The following GPR137B variants were observed in gnomAD, a reference collection of about 807,000 sequenced individuals.
The protein encoded by GPR137B is G protein-coupled receptor 137B.
GPR137B carries 42 observed loss-of-function variants against 42.5 expected under a neutral mutation model. The ratio of observed to expected loss-of-function variants is 0.99; its 90% CI spans 0.77 to 1.28. GPR137B has a LOEUF of 1.28. GPR137B is among the 50% of genes most tolerant of loss of function. The pLI, the probability that GPR137B is intolerant of heterozygous loss-of-function variation, is 0.00. For synonymous variants in GPR137B, 218 were observed against 209.7 expected, an observed-to-expected ratio of 1.04 and a Z score of -0.34; for missense variants, 487 against 493.9, an observed-to-expected ratio of 0.99 and a Z score of 0.13.
chr1:236,193,462 CAG>C (rs1481548643), intron 5 of GPR137B, among the ~76,000 whole-genome samples: 1 of 152,132 alleles, frequency 6.6e-6, no homozygotes, highest in African/African-American at 2.4e-5. Flanking sequence ...CTATTTTCCA[CAG>C]AGACAGCACC....
chr1:236,208,422 A>ATAAC lies in GPR137B; in HGVS notation c.*266_*269dup, dbSNP rs1663729662. 1.0e-6 allele frequency: 1 copy of ATAAC among 991,832 alleles called. No homozygotes were observed. The highest frequency in any genetic ancestry group is 4.0e-5 in the Admixed American group (1 of 24,944). The allele number at this position is 991,832 out of a possible 1,614,324, so 61.4% of individuals were successfully genotyped here. ...GTACTTTTATAAAGATGTATTTTGTATAACTTAAATAATAATGCTAAAGTA... is the reference window on the plus strand; with the variant it reads ...GTACTTTTATAAAGATGTATTTTGTATAACTAACTTAAATAATAATGCTAAAGTA... On this transcript the variant is annotated 3_prime_UTR_variant, in exon 7 of 7. Coordinates refer to ENST00000366592, the MANE Select transcript of GPR137B (RefSeq NM_003272.4).
At chr1:236,178,873 C>CTGCA (rs1486125295) in intron 3 of GPR137B, among the ~76,000 whole-genome samples, 1 of 130,142 alleles carries the variant, frequency 7.7e-6, no homozygotes, top group Non-Finnish European at 1.6e-5. Flanking sequence ...TCTCGGCTCA[C>CTGCA]TGCAAGCTCC....
intron 1 of GPR137B, among the ~76,000 whole-genome samples, chr1:236,153,389 C>T (rs560384535): frequency 3.9e-5 from 6 of 152,308 alleles, no homozygotes; most frequent in Admixed American, 6.5e-5. Flanking sequence ...TATTCTTGTA[C>T]GTCTTCTCCT....
intron 2 of GPR137B, among the ~76,000 whole-genome samples, chr1:236,169,349 A>G (rs1027832585): frequency 6.6e-6 from 1 of 152,120 alleles, no homozygotes; most frequent in African/African-American, 2.4e-5. Flanking sequence ...GTTTTCCAGA[A>G]CTTCAGTGCC....
chr1:236,161,838 G>A (rs1662211449), intron 1 of GPR137B, among the ~76,000 whole-genome samples: 1 of 152,110 alleles, frequency 6.6e-6, no homozygotes, highest in Admixed American at 6.5e-5. Flanking sequence ...ATGTGGAATT[G>A]TTAAGTCCAA....
intron 1 of GPR137B, among the ~76,000 whole-genome samples, chr1:236,167,838 C>T (rs892860182): frequency 2.0e-5 from 3 of 152,178 alleles, no homozygotes; most frequent in Non-Finnish European, 4.4e-5. Context: ...TGGAAGCATG[C>T]GTGGACACCT....
chr1:236,166,750 C>A (rs1235895691), intron 1 of GPR137B, among the ~76,000 whole-genome samples: 1 of 151,906 alleles, frequency 6.6e-6, no homozygotes, highest in East Asian at 1.9e-4. Context: ...TTTGGGAGGC[C>A]GAGGTGGGTG....
Position 236,200,626 on chromosome 1 carries a change from T to G in GPR137B, c.967-4500T>G, listed in dbSNP as rs187434058. ...TCTCTTTGTCTTAACTGTTGATGCT[T>G]TAAAGTCTATTTTGTCTGATAAAAG... On this transcript the variant is annotated intron_variant, in intron 5 of 6. Transcript: ENST00000366592. Among the ~76,000 whole-genome samples the G allele has an allele frequency of 1.6e-3, 250 of 152,204 alleles. 1 individual carries two copies. Among genetic ancestry groups the G allele is most frequent in the Non-Finnish European group, 2.6e-3 (174 of 68,010 alleles).
At chr1:236,153,955 T>G (rs1396646285) in intron 1 of GPR137B, among the ~76,000 whole-genome samples, 1 of 152,228 alleles carries the variant, frequency 6.6e-6, no homozygotes, top group Admixed American at 6.5e-5. Flanking sequence ...AGGGAACTTC[T>G]TGGTGGAAGT....
intron 2 of GPR137B, among the ~76,000 whole-genome samples, chr1:236,176,271 A>C (rs10924516): frequency 0.079 from 12,089 of 152,154 alleles, 946 homozygotes; most frequent in African/African-American, 0.2. Context: ...GTGTATCATG[A>C]CACATGAGGT....
chr1:236,178,538 A>AT lies in GPR137B; in HGVS notation c.591dup (p.Asn198Ter). ...GGTTATCGTCTCTGTGCGAGTGGCC[A>AT]TTAATGACACGCTCTTCGTGCTGTG... On this transcript the variant is annotated frameshift_variant, in exon 3 of 7. Coordinates refer to ENST00000366592, the MANE Select transcript of GPR137B (RefSeq NM_003272.4). LOFTEE classifies it high-confidence loss of function. 1 of 1,613,464 alleles carries AT rather than the reference A, an allele frequency of 6.2e-7. No individual in the cohort carries two copies. The highest frequency in any genetic ancestry group is 8.5e-7 in the Non-Finnish European group (1 of 1,179,704).
At chr1:236,168,282 C>A (rs1000210833) in intron 1 of GPR137B, among the ~76,000 whole-genome samples, 1 of 152,006 alleles carries the variant, frequency 6.6e-6, no homozygotes, top group African/African-American at 2.4e-5. Flanking sequence ...CAAAAATTAA[C>A]TGGGTGTGGT....
Position 236,185,465 on chromosome 1 carries a change from C to G in GPR137B, c.966+1559C>G, listed in dbSNP as rs371973635. ...TCTTAGGTCATGTTGGAGACCCAGACCAGAATCTCTGGGGTAGGTTCCGGG... is the reference window on the plus strand; with the variant it reads ...TCTTAGGTCATGTTGGAGACCCAGAGCAGAATCTCTGGGGTAGGTTCCGGG... On this transcript the variant is annotated intron_variant, in intron 5 of 6. Transcript: ENST00000366592. 3.9e-5 allele frequency among the ~76,000 whole-genome samples: 6 copies of G among 152,302 alleles called. No individual in the cohort carries two copies. In the East Asian group the frequency reaches 9.6e-4, roughly 24 times the overall value.
At chr1:236,175,234 T>C (rs907602451) in intron 2 of GPR137B, among the ~76,000 whole-genome samples, 1 of 152,154 alleles carries the variant, frequency 6.6e-6, no homozygotes, top group African/African-American at 2.4e-5. Context: ...AATTTTCTAC[T>C]TATTAAGTGG....
rs1441209279 is a variant in GPR137B, at chr1:236,155,741, A to G, written c.414+12705A>G. Among the ~76,000 whole-genome samples the G allele has an allele frequency of 6.6e-6, 1 of 152,052 alleles. No homozygotes were observed. Among genetic ancestry groups the G allele is most frequent in the Non-Finnish European group, 1.5e-5 (1 of 67,984 alleles). On this transcript the variant is annotated intron_variant, in intron 1 of 6. Transcript: ENST00000366592. This position sits in a 1 kb window ranked among gnomAD's most constrained non-coding sequence, Gnocchi z 4.6. ...GAGGGGAGAGGTGCTTGCTGCCCGG[A>G]GAGCTGAGCTGCTGGGAACAGGAAG...
intron 5 of GPR137B, among the ~76,000 whole-genome samples, chr1:236,194,170 G>C (rs1475104356): frequency 1.3e-5 from 2 of 152,116 alleles, no homozygotes; most frequent in South Asian, 2.1e-4. Flanking sequence ...GATACTCTAT[G>C]GTGTGTATTT....
At chr1:236,169,709 A>G (rs1157420445) in intron 2 of GPR137B, among the ~76,000 whole-genome samples, 2 of 152,086 alleles carry the variant, frequency 1.3e-5, no homozygotes, top group South Asian at 2.1e-4. Context: ...GGAGAGGCCT[A>G]TGACTTTCCT....
At chr1:236,144,871 C>G (rs1266451819) in intron 1 of GPR137B, among the ~76,000 whole-genome samples, 1 of 152,146 alleles carries the variant, frequency 6.6e-6, no homozygotes, top group African/African-American at 2.4e-5. Context: ...CCACAGCTCT[C>G]TGGTAATCAC....
In GPR137B at chr1:236,181,896, T is replaced by TTAACC. The variant is rs1167998214; in HGVS notation, c.837+1869_837+1870insAACCT. 1.5e-3 allele frequency among the ~76,000 whole-genome samples: 202 copies of TTAACC among 135,700 alleles called. 11 individuals are homozygous for TTAACC. Among genetic ancestry groups the TTAACC allele is most frequent in the African/African-American group, 6.0e-3 (194 of 32,530 alleles). The allele number at this position is 135,700 out of a possible 152,430, so 89.0% of individuals were successfully genotyped here. The stretch of plus-strand genomic sequence containing the variant: ...TAAAATACACATAATATTTGCTATT[T>TTAACC]TTTTTTTTTTTTTTTGAGACGGAGT... On this transcript the variant is annotated intron_variant, in intron 4 of 6. Transcript: ENST00000366592.
Sources: gnomAD v4.1 joint callset for allele counts (sites outside exome capture counted in the v4.1 genomes callset) on GRCh38, gnomAD v4.1.1 for gene constraint, Gnocchi (gnomAD v3.1) non-coding constraint, MANE v1.5 for transcripts, NCBI Gene and HGNC (gene_info 2026-07-23, HGNC 2026-07-21) for gene names.